Variants in PTDSS1 observed in about 807,000 individuals in gnomAD.
The protein encoded by PTDSS1 is phosphatidylserine synthase 1, also known as PSS-1.
In PTDSS1, 45 loss-of-function variants were observed where a neutral mutation model predicts 70.5. The ratio of observed to expected loss-of-function variants is 0.64; its 90% CI spans 0.50 to 0.82. The LOEUF is 0.82. PTDSS1 is among the 40% of genes least tolerant of loss of function. The pLI, the probability that PTDSS1 is intolerant of heterozygous loss-of-function variation, is 0.00. For missense variants in PTDSS1, 417 were observed against 586.1 expected (o/e 0.71, Z 2.98); for synonymous variants, 188 against 203.8 (o/e 0.92, Z 0.66).
chr8:96,331,695 C>T (rs529953146), intron 12 of PTDSS1, among the ~76,000 whole-genome samples: 26 of 152,186 alleles, frequency 1.7e-4, no homozygotes, highest in South Asian at 1.0e-3. Flanking sequence ...GGGCCCCACA[C>T]CATTTCAAGC....
intron 5 of PTDSS1, among the ~76,000 whole-genome samples, chr8:96,297,070 T>C (rs1810986123): frequency 6.6e-6 from 1 of 152,234 alleles, no homozygotes; most frequent in Non-Finnish European, 1.5e-5. Context: ...TAATCCATGG[T>C]CATCTCTGTC....
At chr8:96,319,345 G>A (rs1056589710) in intron 9 of PTDSS1, among the ~76,000 whole-genome samples, 13 of 152,038 alleles carry the variant, frequency 8.6e-5, no homozygotes, top group Non-Finnish European at 1.9e-4. Flanking sequence ...GGATCTCATG[G>A]CCAACTATGT....
intron 5 of PTDSS1, among the ~76,000 whole-genome samples, chr8:96,298,531 C>T (rs558144063): frequency 6.6e-6 from 1 of 152,272 alleles, no homozygotes; most frequent in Admixed American, 6.5e-5. Context: ...CACCCTTGAT[C>T]TTACTGTTTC....
chr8:96,281,526 C>T (rs578134515), intron 2 of PTDSS1, among the ~76,000 whole-genome samples: 1 of 152,266 alleles, frequency 6.6e-6, no homozygotes, highest in African/African-American at 2.4e-5. Context: ...CTATCAGTTC[C>T]CTGCCCTTTC....
At chr8:96,298,937 G>A (rs1264753388) in intron 5 of PTDSS1, among the ~76,000 whole-genome samples, 1 of 151,956 alleles carries the variant, frequency 6.6e-6, no homozygotes, top group Non-Finnish European at 1.5e-5. Flanking sequence ...CTACTTGGGA[G>A]GCTGAGGCAG....
rs760327246 is a variant in PTDSS1 at position 96,330,239 on chromosome 8, C to T, written c.1200C>T (p.Tyr400=). 16 of 1,612,980 alleles carry T rather than the reference C, an allele frequency of 9.9e-6. No individual in the cohort carries two copies. The highest frequency in any genetic ancestry group is 3.3e-5 in the South Asian group (3 of 91,060). ...CVAFTTFLCL[Y]GMIWYAEHYG... ...CTTTCACCACTTTCCTCTGTCTGTA[C>T]GGCATGATTTGGTATGCAGAACACT... The change falls in exon 11 of 13, where the codon TAC becomes TAT. Residue 400 remains tyrosine, a synonymous_variant. Transcript: ENST00000517309.
At position 96,317,484 on chromosome 8, in the gene PTDSS1, T is replaced by C. The variant is rs549194508; in HGVS notation, c.1074-2762T>C. Among the ~76,000 whole-genome samples, 100 of 152,194 alleles carry C rather than the reference T, an allele frequency of 6.6e-4. 1 individual carries two copies. Among genetic ancestry groups the C allele is most frequent in the African/African-American group, 2.1e-3 (88 of 41,518 alleles). ...GTGCAGTGGCTCATACCTGTAATCC[T>C]AGCACTTTGGGAAGCTGAGGTGGGT... On this transcript the variant is annotated intron_variant, in intron 9 of 12. Transcript: ENST00000517309.
intron 6 of PTDSS1, among the ~76,000 whole-genome samples, chr8:96,301,330 A>G (rs1266740094): frequency 6.6e-6 from 1 of 152,030 alleles, no homozygotes; most frequent in Non-Finnish European, 1.5e-5. Context: ...TCCTGACCTC[A>G]GGTGATCACC....
intron 9 of PTDSS1, among the ~76,000 whole-genome samples, chr8:96,318,051 A>G (rs1811321094): frequency 1.3e-5 from 2 of 151,630 alleles, no homozygotes; most frequent in Non-Finnish European, 2.9e-5. Flanking sequence ...AAGGGCCCTC[A>G]GGCTGGCTCA....
intron 5 of PTDSS1, among the ~76,000 whole-genome samples, chr8:96,295,548 A>C (rs913444398): frequency 6.6e-6 from 1 of 152,206 alleles, no homozygotes; most frequent in Non-Finnish European, 1.5e-5. Flanking sequence ...AGACAAATAA[A>C]TGGGAATGAG....
chr8:96,299,039 C>T (rs1442117450), intron 5 of PTDSS1, among the ~76,000 whole-genome samples: 1 of 142,066 alleles, frequency 7.0e-6, no homozygotes, highest in African/African-American at 2.7e-5. Flanking sequence ...GACTCTGTCT[C>T]AGAAAAAAAA....
At chr8:96,292,634 C>A (rs756990116) in intron 4 of PTDSS1, among the ~76,000 whole-genome samples, 16 of 152,148 alleles carry the variant, frequency 1.1e-4, no homozygotes, top group Admixed American at 2.6e-4. Flanking sequence ...AGCTACATGA[C>A]CTGTGTTGAT....
At chr8:96,277,398 A>C (rs1321327182) in intron 2 of PTDSS1, among the ~76,000 whole-genome samples, 2 of 152,232 alleles carry the variant, frequency 1.3e-5, no homozygotes, top group East Asian at 3.9e-4. Context: ...CTCTCAGGCC[A>C]CAGGCCTCCC....
chr8:96,285,554 T>C (rs1428846222), intron 3 of PTDSS1, among the ~76,000 whole-genome samples: 3 of 152,222 alleles, frequency 2.0e-5, no homozygotes, highest in African/African-American at 7.2e-5. Flanking sequence ...AGTTATAAGT[T>C]ATTTTCAGCT....
At chr8:96,329,689 A>G (rs1236595013) in intron 10 of PTDSS1, among the ~76,000 whole-genome samples, 1 of 152,034 alleles carries the variant, frequency 6.6e-6, no homozygotes, top group Non-Finnish European at 1.5e-5. Flanking sequence ...ACTGGGGTCC[A>G]CTCAAAAGCC....
intron 10 of PTDSS1, 78 bp downstream of exon 10, chr8:96,320,423 C>G: frequency 8.0e-7 from 1 of 1,255,180 alleles, no homozygotes; most frequent in African/African-American, 1.5e-5. Flanking sequence ...GCAAAGAAAC[C>G]CTCTTGTGTA....
intron 2 of PTDSS1, among the ~76,000 whole-genome samples, chr8:96,280,276 C>T (rs962840652): frequency 1.3e-5 from 2 of 152,108 alleles, no homozygotes; most frequent in African/African-American, 4.8e-5. Context: ...AATCTCAGCA[C>T]TTTGGGAGGC....
intron 10 of PTDSS1, among the ~76,000 whole-genome samples, chr8:96,327,889 C>T (rs1413704390): frequency 6.6e-6 from 1 of 152,166 alleles, no homozygotes; most frequent in African/African-American, 2.4e-5. Flanking sequence ...AAATCTGAGC[C>T]TTGACATTTT....
intron 9 of PTDSS1, among the ~76,000 whole-genome samples, chr8:96,313,607 T>C (rs987608222): frequency 6.6e-6 from 1 of 152,166 alleles, no homozygotes; most frequent in African/African-American, 2.4e-5. Flanking sequence ...GCACAGTTGC[T>C]TTTCCTCTTC....
Sources: gnomAD v4.1 joint callset for allele counts (sites outside exome capture counted in the v4.1 genomes callset) on GRCh38, gnomAD v4.1.1 for gene constraint, MANE v1.5 for transcripts, NCBI Gene and HGNC (gene_info 2026-07-23, HGNC 2026-07-21) for gene names.